Variants in PWWP3A observed in about 807,000 individuals in gnomAD.
PWWP3A encodes the protein PWWP domain-containing DNA repair factor 3A.
PWWP3A carries 53 observed loss-of-function variants against 79.0 expected under a neutral mutation model. That is an observed-to-expected ratio of 0.67 (90% CI 0.54 to 0.84). The LOEUF is 0.84. PWWP3A is among the 40% of genes least tolerant of loss of function. The pLI is 0.00. For synonymous variants in PWWP3A, 443 were observed against 394.4 expected, an observed-to-expected ratio of 1.12 and a Z score of -1.46; for missense variants, 973 against 948.0, an observed-to-expected ratio of 1.03 and a Z score of -0.35.
rs772784887 is a variant in PWWP3A at position 1,376,592 on chromosome 19, T to C, written c.*16T>C. On this transcript the variant is annotated 3_prime_UTR_variant, in exon 14 of 14. Transcript: ENST00000591337. ...CCGTCGGTGAGGGAGCAGCCGGCTGTGCTGTCAGCGGGGCCTGGCGGTGGA... is the reference window on the plus strand; with the variant it reads ...CCGTCGGTGAGGGAGCAGCCGGCTGCGCTGTCAGCGGGGCCTGGCGGTGGA... 1 of 1,613,204 alleles carries C rather than the reference T, an allele frequency of 6.2e-7. No individual in the cohort carries two copies.
chr19:1,368,740 G>A lies in PWWP3A; in HGVS notation c.1423-525G>A, dbSNP rs977362955. The stretch of plus-strand genomic sequence containing the variant: ...GCAGACGATAGCTCCCAACAAAAAC[G>A]GCTGTTAGAGCAGCTTATTTCCAGG... On this transcript the variant is annotated intron_variant, in intron 9 of 13. Coordinates refer to ENST00000591337, the MANE Select transcript of PWWP3A (RefSeq NM_001369789.1). The surrounding 1 kb of genome is among the most constrained non-coding windows in gnomAD (Gnocchi z 4.7). 2.6e-5 allele frequency among the ~76,000 whole-genome samples: 4 copies of A among 152,220 alleles called. No homozygotes were observed. The highest frequency in any genetic ancestry group is 2.1e-4 in the South Asian group (1 of 4,836).
intron 13 of PWWP3A, 61 bp from the exon 14 acceptor site, chr19:1,376,458 C>G: frequency 6.4e-7 from 1 of 1,566,298 alleles, no homozygotes; most frequent in Non-Finnish European, 8.8e-7. Context: ...CCAGTCCTCT[C>G]TCTCATATTC....
chr19:1,361,591 T>C (rs1031112583), intron 5 of PWWP3A, among the ~76,000 whole-genome samples: 16 of 152,254 alleles, frequency 1.1e-4, no homozygotes, highest in African/African-American at 3.9e-4. Flanking sequence ...CATGATCAAA[T>C]GTCTGGAAAT....
chr19:1,376,435 T>C (rs1428340006), intron 13 of PWWP3A, 84 bp from the exon 14 acceptor site: 1 of 1,424,532 alleles, frequency 7.0e-7, no homozygotes, highest in East Asian at 2.4e-5. Context: ...ATTACAGGCG[T>C]GAGCGACCAC....
In PWWP3A at chr19:1,376,657, G is replaced by A. The variant is rs1354322954; in HGVS notation, c.*81G>A. ...GCATGAGCGTGTCTGAAGATGGGGGGCTCAGGGGGCACGTTTGCGTTTGGA... is the reference window on the plus strand; with the variant it reads ...GCATGAGCGTGTCTGAAGATGGGGGACTCAGGGGGCACGTTTGCGTTTGGA... On this transcript the variant is annotated 3_prime_UTR_variant, in exon 14 of 14. Coordinates refer to ENST00000591337, the MANE Select transcript of PWWP3A (RefSeq NM_001369789.1). The A allele has an allele frequency of 9.3e-6, 13 of 1,403,322 alleles. No homozygotes were observed. The Admixed American group carries it at 2.0e-4, about 22-fold the overall frequency. The allele number at this position is 1,403,322 out of a possible 1,614,324, so 86.9% of individuals were successfully genotyped here.
chr19:1,367,072 C>G, intron 8 of PWWP3A, 88 bp from the exon 9 acceptor site: 1 of 1,069,834 alleles, frequency 9.3e-7, no homozygotes, highest in Non-Finnish European at 1.4e-6. Context: ...CCAGCGGCCT[C>G]CACTGATCTT....
chr19:1,370,176 G>A (rs190753721), intron 11 of PWWP3A, among the ~76,000 whole-genome samples: 350 of 152,318 alleles, frequency 2.3e-3, no homozygotes, highest in Non-Finnish European at 3.4e-3. Flanking sequence ...CAAGGCTGTG[G>A]TGACCTATGT....
At chr19:1,364,300 C>T (rs773767067) in intron 6 of PWWP3A, 1 of 688,188 alleles carries the variant, frequency 1.5e-6, no homozygotes, top group Non-Finnish European at 2.7e-6. Context: ...GCTGGTTTCA[C>T]TGTCTCATCA....
chr19:1,374,256 A>G (rs1351063962), intron 13 of PWWP3A: 14 of 151,998 alleles, frequency 9.2e-5, no homozygotes, highest in Non-Finnish European at 1.8e-4. Flanking sequence ...TCCAGTTGCC[A>G]TGAAAGCCTC....
chr19:1,375,648 AAT>A (rs1451049683), intron 13 of PWWP3A, among the ~76,000 whole-genome samples: 2 of 10,814 alleles, frequency 1.8e-4, no homozygotes, highest in Non-Finnish European at 3.5e-4. Context: ...TATAATATAT[AAT>A]TGTATATATT....
chr19:1,375,538 T>TATATAAAA (rs1355785315), intron 13 of PWWP3A, among the ~76,000 whole-genome samples: 1,021 of 6,398 alleles, frequency 0.16, 6 homozygotes, highest in Non-Finnish European at 0.26. Flanking sequence ...TTTATATATT[T>TATATAAAA]TATATATAAA....
chr19:1,364,410 G>A (rs1035543373), intron 6 of PWWP3A, 99 bp from the exon 7 acceptor site: 4 of 841,206 alleles, frequency 4.8e-6, no homozygotes, highest in Non-Finnish European at 3.8e-6. Flanking sequence ...TAACAATATC[G>A]TGCTAACTGT....
intron 6 of PWWP3A, 141 bp downstream of exon 6, chr19:1,362,492 A>G (rs543188657): frequency 4.7e-4 from 302 of 637,868 alleles, no homozygotes; most frequent in Non-Finnish European, 7.3e-4. Context: ...GAGACCTGGA[A>G]GGGACCTTCA....
Position 1,360,940 on chromosome 19 carries a change from G to T in PWWP3A, c.1019G>T (p.Arg340Leu). 1 of 1,513,778 alleles carries T rather than the reference G, an allele frequency of 6.6e-7. No individual in the cohort carries two copies. Among genetic ancestry groups the T allele is most frequent in the South Asian group, 1.3e-5 (1 of 79,032 alleles). The allele number at this position is 1,513,778 out of a possible 1,614,324, so 93.8% of individuals were successfully genotyped here. A position where few individuals can be genotyped will look rare whatever the true frequency, so the allele number is the denominator to read the frequency against. The change falls in exon 5 of 14, where the codon CGC (arginine) becomes CTC (leucine). Residue 340 changes from arginine (R) to leucine (L), a missense_variant. Physicochemically the swap from Arg to Leu is moderately radical, Grantham distance 102. Coordinates refer to ENST00000591337, the MANE Select transcript of PWWP3A (RefSeq NM_001369789.1). This position sits in a 1 kb window ranked among gnomAD's most constrained non-coding sequence, Gnocchi z 4.4. Reference protein sequence around the residue: ...GPGPRESVTPRSTARLGPPPS... With the variant: ...GPGPRESVTPLSTARLGPPPS... ...GGGCCCAGAGAGTCTGTGACCCCGC[G>T]CAGCACCGCCAGGCTGGGCCCGCCT... is the stretch of plus-strand genomic sequence containing the variant.
At chr19:1,376,291 G>GTTT (rs1350699607) in intron 13 of PWWP3A, among the ~76,000 whole-genome samples, 862 of 50,654 alleles carry the variant, frequency 0.017, 55 homozygotes, top group Non-Finnish European at 0.023. Context: ...ACGCCCGGCT[G>GTTT]TTTGTTTTTT....
In PWWP3A at chr19:1,369,515, A is replaced by C. The variant is rs1470751317; in HGVS notation, c.1499-81A>C. The C allele has an allele frequency of 6.4e-7, 1 of 1,562,228 alleles. No homozygotes were observed. The highest frequency in any genetic ancestry group is 1.4e-5 in the African/African-American group (1 of 73,576). On this transcript the variant is annotated intron_variant, in intron 10 of 13. Coordinates refer to ENST00000591337, the MANE Select transcript of PWWP3A (RefSeq NM_001369789.1). The surrounding 1 kb of genome is among the most constrained non-coding windows in gnomAD (Gnocchi z 4.0). ...TGGCCTGATTATTTCCTAAACAGAG[A>C]CGCCGGGCCAGCCCCTGGAACACAC...
At chr19:1,356,184 T>A in intron 1 of PWWP3A, 140 bp from the exon 2 acceptor site, 12 of 556,972 alleles carry the variant, frequency 2.2e-5, no homozygotes, top group Middle Eastern at 4.6e-4. Flanking sequence ...CTTTTTGGCA[T>A]TGAGCATCTC....
chr19:1,361,964 C>T lies in PWWP3A; in HGVS notation c.1112-286C>T, dbSNP rs925447497. 6.8e-5 allele frequency: 21 copies of T among 307,074 alleles called. No individual in the cohort carries two copies. In the Admixed American group the frequency reaches 7.5e-4, roughly 11 times the overall value. The allele number at this position is 307,074 out of a possible 1,614,324, so 19.0% of individuals were successfully genotyped here. A position where few individuals can be genotyped will look rare whatever the true frequency, so the allele number is the denominator to read the frequency against. ...ACAAAAGGGATTCCCACCCAGGGTG[C>T]GCGCAGCTTCTGTGGCCGAGGTGGC... is the stretch of plus-strand genomic sequence containing the variant. On this transcript the variant is annotated intron_variant, in intron 5 of 13. Coordinates refer to ENST00000591337, the MANE Select transcript of PWWP3A (RefSeq NM_001369789.1).
chr19:1,367,524 T>C (rs1480065402), intron 9 of PWWP3A, among the ~76,000 whole-genome samples: 1 of 152,214 alleles, frequency 6.6e-6, no homozygotes, highest in Admixed American at 6.5e-5. Context: ...GCAGAGAGCC[T>C]CTGCGCAAGG....
Sources: gnomAD v4.1 joint callset for allele counts (sites outside exome capture counted in the v4.1 genomes callset) on GRCh38, gnomAD v4.1.1 for gene constraint, Gnocchi (gnomAD v3.1) non-coding constraint, MANE v1.5 for transcripts, NCBI Gene and HGNC (gene_info 2026-07-23, HGNC 2026-07-21) for gene names.